The following PBLD variants were observed in gnomAD, a reference collection of about 807,000 sequenced individuals.
The protein encoded by PBLD is phenazine biosynthesis like protein domain containing.
A neutral mutation model predicts 31.3 loss-of-function variants in PBLD; 26 were observed. That is an observed-to-expected ratio of 0.83 (90% CI 0.61 to 1.15). The LOEUF (loss-of-function observed/expected upper bound fraction) is 1.15, where lower values mean the gene tolerates loss of function less well. Among genes scored for constraint, PBLD ranks in the 50% most tolerant of loss-of-function variants. PBLD has a pLI of 0.00. For missense variants in PBLD, 307 were observed against 351.7 expected (o/e 0.87, Z 1.02); for synonymous variants, 114 against 129.0 (o/e 0.88, Z 0.79).
intron 1 of PBLD, among the ~76,000 whole-genome samples, chr10:68,312,036 T>A (rs1416892735): frequency 1.3e-5 from 2 of 152,226 alleles, no homozygotes; most frequent in Non-Finnish European, 2.9e-5. Flanking sequence ...GTCAAAAAAT[T>A]GTAAGTCAAA....
chr10:68,292,359 C>G (rs1001625848), intron 4 of PBLD, 121 bp from the exon 5 acceptor site: 6 of 856,406 alleles, frequency 7.0e-6, no homozygotes, highest in Non-Finnish European at 1.1e-5. Context: ...TATGATGGAG[C>G]GAGGTTTGGG....
At chr10:68,301,134 G>A (rs2134459993) in intron 2 of PBLD, among the ~76,000 whole-genome samples, 1 of 152,258 alleles carries the variant, frequency 6.6e-6, no homozygotes. Context: ...GACCTCAGGT[G>A]ATCCACCCAC....
chr10:68,310,785 C>T (rs1336007953), intron 1 of PBLD, among the ~76,000 whole-genome samples: 1 of 150,776 alleles, frequency 6.6e-6, no homozygotes, highest in Non-Finnish European at 1.5e-5. Flanking sequence ...GGAATTCTTT[C>T]TTCTTTATGG....
intron 1 of PBLD, among the ~76,000 whole-genome samples, chr10:68,323,425 C>T (rs1027854866): frequency 2.0e-5 from 3 of 151,930 alleles, no homozygotes; most frequent in Non-Finnish European, 4.4e-5. Flanking sequence ...AGCCAGGCTT[C>T]GTGGAGCATA....
intron 1 of PBLD, among the ~76,000 whole-genome samples, chr10:68,324,593 T>C (rs1338872505): frequency 4.0e-5 from 6 of 150,700 alleles, no homozygotes; most frequent in Non-Finnish European, 7.4e-5. Context: ...TCCCAATATC[T>C]ACCCTCCACA....
At chr10:68,309,111 A>G (rs1399880920) in intron 1 of PBLD, among the ~76,000 whole-genome samples, 1 of 150,320 alleles carries the variant, frequency 6.7e-6, no homozygotes, top group East Asian at 2.1e-4. Context: ...TTAGCACAAA[A>G]GAACCCACTT....
At chr10:68,314,685 C>T (rs1321342658) in intron 1 of PBLD, among the ~76,000 whole-genome samples, 1 of 152,004 alleles carries the variant, frequency 6.6e-6, no homozygotes, top group African/African-American at 2.4e-5. Flanking sequence ...GCAACTTCCG[C>T]CTCCCAGGTT....
intron 1 of PBLD, among the ~76,000 whole-genome samples, chr10:68,329,400 A>G (rs2044976360): frequency 6.6e-6 from 1 of 152,222 alleles, no homozygotes; most frequent in African/African-American, 2.4e-5. Context: ...ACCACACAAA[A>G]TATGCGGAAG....
rs1283536526 is a variant in PBLD at position 68,285,331 on chromosome 10, G to T, written c.754+17C>A. The T allele has an allele frequency of 1.9e-6, 3 of 1,613,960 alleles. No individual in the cohort carries two copies. The highest frequency in any genetic ancestry group is 4.5e-5 in the East Asian group (2 of 44,860). ...AATTAGGCAAATAAAAAAGAAATTG[G>T]TAAAGAGCTGTCCTACCATGCATTT... On this transcript the variant is annotated intron_variant, in intron 9 of 9. Coordinates refer to ENST00000358769, the MANE Select transcript of PBLD (RefSeq NM_022129.4).
chr10:68,304,909 G>C (rs1212279154), intron 2 of PBLD, among the ~76,000 whole-genome samples: 4 of 152,152 alleles, frequency 2.6e-5, no homozygotes, highest in Non-Finnish European at 4.4e-5. Flanking sequence ...CCAAACTCTT[G>C]TAATAATGGA....
chr10:68,322,210 C>A (rs528299178), intron 1 of PBLD, among the ~76,000 whole-genome samples: 184 of 152,212 alleles, frequency 1.2e-3, no homozygotes, highest in Admixed American at 1.2e-3. Flanking sequence ...CAGAAAAAAA[C>A]CCAGTTGAAG....
At chr10:68,311,087 G>A (rs1388448409) in intron 1 of PBLD, among the ~76,000 whole-genome samples, 1 of 151,998 alleles carries the variant, frequency 6.6e-6, no homozygotes, top group East Asian at 1.9e-4. Context: ...TGGTTGTATG[G>A]GTACACACCA....
intron 8 of PBLD, among the ~76,000 whole-genome samples, chr10:68,286,163 C>G (rs557164742): frequency 1.5e-5 from 2 of 137,626 alleles, no homozygotes; most frequent in South Asian, 4.8e-4. Flanking sequence ...TCTCGGCTCA[C>G]TACAACCTCT....
intron 1 of PBLD, 143 bp from the exon 2 acceptor site, chr10:68,307,046 T>C (rs2044590158): frequency 2.3e-6 from 1 of 443,838 alleles, no homozygotes; most frequent in Non-Finnish European, 4.1e-6. Context: ...TTTCATTTTT[T>C]GAGATGGAGT....
At position 68,284,155 on chromosome 10, in the gene PBLD, C is replaced by G; in HGVS notation, c.*22G>C. 6.3e-7 allele frequency: 1 copy of G among 1,577,686 alleles called. No individual in the cohort carries two copies. Among genetic ancestry groups the G allele is most frequent in the Non-Finnish European group, 8.7e-7 (1 of 1,149,408 alleles). ...GAAAATACTTGGTGGTTAGAGACAG[C>G]AGCGTCACAGCATAACCACCTCTAG... On this transcript the variant is annotated 3_prime_UTR_variant, in exon 10 of 10. Transcript: ENST00000358769.
intron 2 of PBLD, among the ~76,000 whole-genome samples, chr10:68,298,293 C>T (rs975462591): frequency 1.3e-5 from 2 of 151,888 alleles, no homozygotes; most frequent in Admixed American, 6.6e-5. Context: ...AGAATGAGGG[C>T]TTTGCAAATG....
chr10:68,324,279 C>T lies in PBLD; in HGVS notation c.-60+8505G>A, dbSNP rs981364062. On this transcript the variant is annotated intron_variant, in intron 1 of 9. Transcript: ENST00000358769. Reference sequence around the variant, plus strand: ...GCAACCTCTGCCTCCTGGGTTCAAGCGATTCTCCTGCCTCAGCCTCTCAAG... The same window carrying T: ...GCAACCTCTGCCTCCTGGGTTCAAGTGATTCTCCTGCCTCAGCCTCTCAAG... 3.3e-5 allele frequency among the ~76,000 whole-genome samples: 5 copies of T among 151,796 alleles called. 1 individual carries two copies. Among genetic ancestry groups the T allele is most frequent in the East Asian group, 1.9e-4 (1 of 5,168 alleles).
intron 2 of PBLD, among the ~76,000 whole-genome samples, chr10:68,305,450 G>A (rs1189598698): frequency 6.6e-6 from 1 of 150,780 alleles, no homozygotes; most frequent in Non-Finnish European, 1.5e-5. Context: ...AATCACTTGG[G>A]GAACTTTAAA....
intron 1 of PBLD, among the ~76,000 whole-genome samples, chr10:68,324,263 GCCT>G (rs2044880017): frequency 6.6e-6 from 1 of 151,836 alleles, no homozygotes; most frequent in East Asian, 1.9e-4. Flanking sequence ...TGCAACCTCT[GCCT>G]CCTGGGTTCA....
Sources: gnomAD v4.1 joint callset for allele counts (sites outside exome capture counted in the v4.1 genomes callset) on GRCh38, gnomAD v4.1.1 for gene constraint, MANE v1.5 for transcripts, NCBI Gene and HGNC (gene_info 2026-07-23, HGNC 2026-07-21) for gene names.